SDAD1: variants seen among roughly 807,000 people sequenced by gnomAD.
The protein encoded by SDAD1 is SDA1 domain containing 1, also known as protein SDA1 homolog.
Under a neutral mutation model 100.3 loss-of-function variants are expected in SDAD1, and 79 were observed. That is an observed-to-expected ratio of 0.79 (90% CI 0.66 to 0.95). The LOEUF (loss-of-function observed/expected upper bound fraction) is 0.95, where lower values mean the gene tolerates loss of function less well. SDAD1 is among the 40% of genes least tolerant of loss of function. The probability of loss-of-function intolerance (pLI) is 0.00; values close to 1 mark genes in which losing one functional copy is unlikely to be tolerated. For missense variants in SDAD1, 790 were observed against 810.9 expected (o/e 0.97, Z 0.31); for synonymous variants, 267 against 271.4 (o/e 0.98, Z 0.16).
At chr4:75,982,176 T>G (rs1730565031) in intron 1 of SDAD1, 139 bp from the exon 2 acceptor site, 1 of 571,536 alleles carries the variant, frequency 1.7e-6, no homozygotes, top group Non-Finnish European at 3.0e-6. Context: ...ATAAAAACAC[T>G]CCTTTTGCCT....
At chr4:75,965,310 T>G (rs1353921349) in intron 13 of SDAD1, among the ~76,000 whole-genome samples, 1 of 152,204 alleles carries the variant, frequency 6.6e-6, no homozygotes, top group Non-Finnish European at 1.5e-5. Context: ...ACTGGCTGTC[T>G]GCTCTCAAAC....
Position 75,960,062 on chromosome 4 carries a change from C to A in SDAD1, c.1483+4G>T, listed in dbSNP as rs1211023402. On this transcript the variant is annotated splice_donor_region_variant and intron_variant, in intron 17 of 21. Coordinates refer to ENST00000356260, the MANE Select transcript of SDAD1 (RefSeq NM_018115.4). The stretch of plus-strand genomic sequence containing the variant: ...CCCAAAATAAGGGTGAAATAAAAAT[C>A]AACCTTCATCATTTTCAGCATTCTC... The A allele has an allele frequency of 3.1e-6, 5 of 1,605,908 alleles. No individual in the cohort carries two copies. In the Middle Eastern group the frequency reaches 6.8e-4, roughly 219 times the overall value.
At chr4:75,954,179 A>C (rs1728758401) in intron 21 of SDAD1, among the ~76,000 whole-genome samples, 1 of 152,082 alleles carries the variant, frequency 6.6e-6, no homozygotes, top group South Asian at 2.1e-4. Flanking sequence ...CAGGAGATCA[A>C]GACCATCCTG....
At chr4:75,982,095 G>T in intron 1 of SDAD1, 58 bp from the exon 2 acceptor site, 1 of 982,764 alleles carries the variant, frequency 1.0e-6, no homozygotes, top group Non-Finnish European at 1.5e-6. Flanking sequence ...TCTCAGTACA[G>T]ACATTCAGTA....
chr4:75,957,826 A>C, intron 18 of SDAD1, 21 bp downstream of exon 18: 2 of 1,613,824 alleles, frequency 1.2e-6, no homozygotes, highest in South Asian at 1.1e-5. Context: ...CCAGGTTATA[A>C]GATGAAATTT....
chr4:75,965,425 T>G (rs1052885669), intron 13 of SDAD1, among the ~76,000 whole-genome samples: 1 of 152,244 alleles, frequency 6.6e-6, no homozygotes, highest in Non-Finnish European at 1.5e-5. Context: ...TCCATTTGCC[T>G]TGTAATATTT....
At chr4:75,960,907 G>A (rs1335618808) in intron 16 of SDAD1, 121 bp downstream of exon 16, 6 of 794,578 alleles carry the variant, frequency 7.6e-6, no homozygotes, top group Non-Finnish European at 1.3e-5. Flanking sequence ...ATACAACCGT[G>A]TGCATCATAA....
In SDAD1 at chr4:75,981,926, T is replaced by C. The variant is rs1051918699; in HGVS notation, c.195+7A>G. 1 of 1,586,504 alleles carries C rather than the reference T, an allele frequency of 6.3e-7. No homozygotes were observed. Among genetic ancestry groups the C allele is most frequent in the Non-Finnish European group, 8.6e-7 (1 of 1,160,440 alleles). On this transcript the variant is annotated splice_region_variant and intron_variant, in intron 2 of 21. Transcript: ENST00000356260. ...ACTGGTCTTTATTTAAGCAATTATA[T>C]TCTTACCTGTGCCATAAACATCACC...
Position 75,990,859 on chromosome 4 carries a change from T to C in SDAD1, c.-18A>G, listed in dbSNP as rs1316162005. 6.2e-7 allele frequency: 1 copy of C among 1,614,042 alleles called. No homozygotes were observed. Among genetic ancestry groups the C allele is most frequent in the East Asian group, 2.2e-5 (1 of 44,884 alleles). ...TTGGACATTTTGGCTGCAGACAGAC[T>C]TCGCGGCGAGCAGTTTTAAAAAAAC... On this transcript the variant is annotated 5_prime_UTR_variant, in exon 1 of 22. Coordinates refer to ENST00000356260, the MANE Select transcript of SDAD1 (RefSeq NM_018115.4).
chr4:75,969,165 C>T, intron 11 of SDAD1, 131 bp downstream of exon 11: 1 of 508,120 alleles, frequency 2.0e-6, no homozygotes, highest in East Asian at 3.2e-5. Context: ...AGATGTTACT[C>T]TTCTGTAAAT....
At chr4:75,964,076 T>A (rs1411396888) in intron 14 of SDAD1, 59 bp downstream of exon 14, 2 of 1,123,348 alleles carry the variant, frequency 1.8e-6, no homozygotes, top group African/African-American at 3.1e-5. Flanking sequence ...CTTGGTAACT[T>A]ATAGCAAATC....
intron 11 of SDAD1, 95 bp downstream of exon 11, chr4:75,969,201 T>C: frequency 1.3e-6 from 1 of 785,600 alleles, no homozygotes; most frequent in Non-Finnish European, 2.0e-6. Flanking sequence ...GTATGAGGGA[T>C]AAAATTAAGC....
chr4:75,979,616 C>T (rs887667107), intron 3 of SDAD1, among the ~76,000 whole-genome samples: 63 of 151,770 alleles, frequency 4.2e-4, no homozygotes, highest in Non-Finnish European at 1.6e-4. Flanking sequence ...CCACCATGCC[C>T]GGCTTATTTT....
chr4:75,988,934 G>A lies in SDAD1; in HGVS notation c.90+1818C>T, dbSNP rs142300197. On this transcript the variant is annotated intron_variant, in intron 1 of 21. Transcript: ENST00000356260. ...CCACAATCCCTTGCTTGGTTATTCT[G>A]AGATCCATTATATTAGTTACCCTGC... is the stretch of plus-strand genomic sequence containing the variant. Among the ~76,000 whole-genome samples, 4 of 152,140 alleles carry A rather than the reference G, an allele frequency of 2.6e-5. No homozygotes were observed. In the East Asian group the frequency reaches 7.7e-4, roughly 29 times the overall value.
intron 14 of SDAD1, among the ~76,000 whole-genome samples, chr4:75,961,946 C>T (rs1729259082): frequency 2.0e-5 from 3 of 152,102 alleles, no homozygotes; most frequent in Admixed American, 1.3e-4. Context: ...ATGTGCACAA[C>T]GTGCAGGTTT....
intron 2 of SDAD1, 141 bp from the exon 3 acceptor site, chr4:75,981,611 T>C (rs1560555076): frequency 7.2e-7 from 1 of 1,389,338 alleles, no homozygotes. Flanking sequence ...CTTCTTTTCC[T>C]TCTACATGTT....
chr4:75,986,967 G>A (rs767804216), intron 1 of SDAD1, among the ~76,000 whole-genome samples: 4 of 151,940 alleles, frequency 2.6e-5, no homozygotes, highest in East Asian at 1.9e-4. Context: ...GCAGTGAGCC[G>A]TGATCACACC....
chr4:75,974,739 A>C (rs1368451136), intron 6 of SDAD1, among the ~76,000 whole-genome samples: 2 of 151,404 alleles, frequency 1.3e-5, no homozygotes, highest in African/African-American at 4.9e-5. Context: ...ATAATCGAGA[A>C]TTTAAAAACT....
chr4:75,951,707 A>G (rs892408727), intron 21 of SDAD1, among the ~76,000 whole-genome samples: 2 of 152,210 alleles, frequency 1.3e-5, no homozygotes, highest in Non-Finnish European at 2.9e-5. Context: ...ACGCAAACCT[A>G]CAAAAGCCCT....
Sources: gnomAD v4.1 joint callset for allele counts (sites outside exome capture counted in the v4.1 genomes callset) on GRCh38, gnomAD v4.1.1 for gene constraint, MANE v1.5 for transcripts, NCBI Gene and HGNC (gene_info 2026-07-23, HGNC 2026-07-21) for gene names.